PARP3: variants seen among roughly 807,000 people sequenced by gnomAD.
The protein encoded by PARP3 is protein mono-ADP-ribosyltransferase PARP3.
Under a neutral mutation model 58.2 loss-of-function variants are expected in PARP3, and 46 were observed. The observed-to-expected ratio is 0.79, with a 90% CI of 0.62 to 1.01. PARP3 has a LOEUF of 1.01. Ranked by LOEUF, PARP3 falls within the 50% of genes least tolerant of loss-of-function variation. The pLI is 0.00. For missense variants in PARP3, 663 were observed against 683.9 expected, an observed-to-expected ratio of 0.97 and a Z score of 0.34; for synonymous variants, 252 against 266.4, an observed-to-expected ratio of 0.95 and a Z score of 0.53.
rs560020357 is a variant in PARP3, at chr3:51,944,008, C to T, written c.184-81C>T. 105 of 1,385,942 alleles carry T rather than the reference C, an allele frequency of 7.6e-5. No individual in the cohort carries two copies. The African/African-American group carries it at 1.3e-3, about 17-fold the overall frequency. 85.9% of individuals were successfully genotyped at this position (1,385,942 alleles called of 1,614,324 possible). A position where few individuals can be genotyped will look rare whatever the true frequency, so the allele number is the denominator to read the frequency against. ...CTCCCACTGCCGTCAGACTCCTGTC[C>T]CCATCAGAGCCCTCTCGGTGTACGG... On this transcript the variant is annotated intron_variant, in intron 2 of 10. Coordinates refer to ENST00000398755, the MANE Select transcript of PARP3 (RefSeq NM_001003931.4). The surrounding 1 kb of genome is among the most constrained non-coding windows in gnomAD (Gnocchi z 4.2).
At chr3:51,947,412 G>A (rs923312999) in intron 9 of PARP3, among the ~76,000 whole-genome samples, 10 of 152,250 alleles carry the variant, frequency 6.6e-5, no homozygotes, top group Non-Finnish European at 1.2e-4. Flanking sequence ...GAGCCAGCGC[G>A]AGGAAGTCCC....
rs1158356771 is a variant in PARP3 at position 51,946,109 on chromosome 3, A to G, written c.1099-57A>G. On this transcript the variant is annotated intron_variant, in intron 8 of 10. Coordinates refer to ENST00000398755, the MANE Select transcript of PARP3 (RefSeq NM_001003931.4). The surrounding 1 kb of genome is among the most constrained non-coding windows in gnomAD (Gnocchi z 4.6). ...AGGCCTTGGTCACAAGCAGCAGGGC[A>G]AGGCGACTGAGTGCTCGGGTGGCAT... The G allele has an allele frequency of 1.3e-6, 2 of 1,507,002 alleles. No individual in the cohort carries two copies. The highest frequency in any genetic ancestry group is 1.4e-5 in the African/African-American group (1 of 72,940). 93.4% of individuals were successfully genotyped at this position (1,507,002 alleles called of 1,614,324 possible).
intron 6 of PARP3, 60 bp downstream of exon 6, chr3:51,945,284 C>A: frequency 6.5e-7 from 1 of 1,534,784 alleles, no homozygotes; most frequent in Non-Finnish European, 9.0e-7. Context: ...CCTAGGCGAG[C>A]GAGATGAAGG....
Position 51,944,039 on chromosome 3 carries a change from C to T in PARP3, c.184-50C>T, listed in dbSNP as rs1443302160. 6.3e-7 allele frequency: 1 copy of T among 1,583,444 alleles called. No individual in the cohort carries two copies. Among genetic ancestry groups the T allele is most frequent in the Non-Finnish European group, 8.6e-7 (1 of 1,161,282 alleles). On this transcript the variant is annotated intron_variant, in intron 2 of 10. Coordinates refer to ENST00000398755, the MANE Select transcript of PARP3 (RefSeq NM_001003931.4). The surrounding 1 kb of genome is among the most constrained non-coding windows in gnomAD (Gnocchi z 4.2). Reference sequence around the variant, plus strand: ...AGAGCCCTCTCGGTGTACGGCCAGGCACCCCATCTGACCCCAGCCAGCCTG... The same window carrying T: ...AGAGCCCTCTCGGTGTACGGCCAGGTACCCCATCTGACCCCAGCCAGCCTG...
intron 10 of PARP3, 41 bp downstream of exon 10, chr3:51,947,936 G>A: frequency 1.9e-6 from 3 of 1,594,944 alleles, no homozygotes; most frequent in South Asian, 1.1e-5. Flanking sequence ...AGAGAGGTGG[G>A]GCCGAGATAG....
In PARP3 at chr3:51,946,035, G is replaced by A. The variant is rs904087535; in HGVS notation, c.1098+96G>A. ...CCTTAGCAAATCGTTTAGCAGCTCT[G>A]GTCAGTTTCTGCCGGCCATGAGTGC... On this transcript the variant is annotated intron_variant, in intron 8 of 10. Coordinates refer to ENST00000398755, the MANE Select transcript of PARP3 (RefSeq NM_001003931.4). This position sits in a 1 kb window ranked among gnomAD's most constrained non-coding sequence, Gnocchi z 4.6. The A allele has an allele frequency of 7.3e-7, 1 of 1,370,074 alleles. No homozygotes were observed. The highest frequency in any genetic ancestry group is 1.0e-6 in the Non-Finnish European group (1 of 967,654). The allele number at this position is 1,370,074 out of a possible 1,614,324, so 84.9% of individuals were successfully genotyped here.
chr3:51,946,219 T>C lies in PARP3; in HGVS notation c.1152T>C (p.His384=). The C allele has an allele frequency of 6.2e-7, 1 of 1,613,460 alleles. No individual in the cohort carries two copies. The highest frequency in any genetic ancestry group is 8.5e-7 in the Non-Finnish European group (1 of 1,179,578). ...SKLGNRKLLW[H]GTNMAVVAAI... ...TGGGTAATCGGAAGCTGCTGTGGCA[T>C]GGCACCAACATGGCCGTGGTGGCCG... Residue 384 remains histidine, a synonymous_variant, in exon 9 of 11, where the codon CAT becomes CAC. Coordinates refer to ENST00000398755, the MANE Select transcript of PARP3 (RefSeq NM_001003931.4). The surrounding 1 kb of genome is among the most constrained non-coding windows in gnomAD (Gnocchi z 4.6).
intron 2 of PARP3, 146 bp from the exon 3 acceptor site, chr3:51,943,943 G>C (rs1426535470): frequency 1.4e-6 from 1 of 694,876 alleles, no homozygotes; most frequent in Non-Finnish European, 2.4e-6. Context: ...CTAGGGAAGA[G>C]CAGTGACCCC....
At position 51,946,181 on chromosome 3, in the gene PARP3, G is replaced by A; in HGVS notation, c.1114G>A (p.Ala372Thr). The A allele has an allele frequency of 1.2e-6, 2 of 1,602,488 alleles. No homozygotes were observed. The highest frequency in any genetic ancestry group is 1.1e-5 in the South Asian group (1 of 89,038). ...NQEGEEDRFQ[A>T]HSKLGNRKLL... ...CTCCACTCAGGAAGACAGATTCCAG[G>A]CCCACTCCAAACTGGGTAATCGGAA... is the stretch of plus-strand genomic sequence containing the variant. Residue 372 changes from alanine to threonine, a missense_variant, in exon 9 of 11, where the codon GCC becomes ACC. By Grantham distance (58) the Ala-to-Thr change is moderately conservative. Coordinates refer to ENST00000398755, the MANE Select transcript of PARP3 (RefSeq NM_001003931.4). The surrounding 1 kb of genome is among the most constrained non-coding windows in gnomAD (Gnocchi z 4.6).
Position 51,944,047 on chromosome 3 carries a change from C to G in PARP3, c.184-42C>G. 2 of 1,598,100 alleles carry G rather than the reference C, an allele frequency of 1.3e-6. No homozygotes were observed. Among genetic ancestry groups the G allele is most frequent in the Non-Finnish European group, 8.5e-7 (1 of 1,171,868 alleles). On this transcript the variant is annotated intron_variant, in intron 2 of 10. Coordinates refer to ENST00000398755, the MANE Select transcript of PARP3 (RefSeq NM_001003931.4). The surrounding 1 kb of genome is among the most constrained non-coding windows in gnomAD (Gnocchi z 4.2). Reference sequence around the variant, plus strand: ...CTCGGTGTACGGCCAGGCACCCCATCTGACCCCAGCCAGCCTGCCCCCCAC... The same window carrying G: ...CTCGGTGTACGGCCAGGCACCCCATGTGACCCCAGCCAGCCTGCCCCCCAC...
intron 1 of PARP3, chr3:51,942,956 C>G: frequency 4.3e-6 from 6 of 1,411,538 alleles, no homozygotes; most frequent in Non-Finnish European, 5.5e-6. Flanking sequence ...GGCAACCATG[C>G]CAGGGCTGAA....
In PARP3 at chr3:51,944,894, G is replaced by A. The variant is rs762577128; in HGVS notation, c.618G>A (p.Met206Ile). 6 of 1,613,802 alleles carry A rather than the reference G, an allele frequency of 3.7e-6. No homozygotes were observed. In the African/African-American group the frequency reaches 4.0e-5, roughly 11 times the overall value. ...IFSKEMFKNT[M>I]ALMDLDVKKM... ...GCAAGGAGATGTTCAAGAACACCAT[G>A]GCCCTCATGGACCTGGGTGAGGGGT... The change falls in exon 5 of 11, where the codon ATG becomes ATA. Residue 206 changes from methionine (M) to isoleucine (I), a missense_variant. By Grantham distance (10) the Met-to-Ile change is conservative. Around this residue, in one of 3 missense-constraint regions of PARP3, gnomAD observed 567 missense variants for 553.6 expected, o/e 1.02. Coordinates refer to ENST00000398755, the MANE Select transcript of PARP3 (RefSeq NM_001003931.4). This position sits in a 1 kb window ranked among gnomAD's most constrained non-coding sequence, Gnocchi z 4.2.
chr3:51,948,308 C>T lies in PARP3; in HGVS notation c.1433-3C>T, dbSNP rs764375361. ...CCACCCTGGCCCTTGCTGTGCCCTGCAGATCCGACCCAGGACACTGAGTTG... is the reference window on the plus strand; with the variant it reads ...CCACCCTGGCCCTTGCTGTGCCCTGTAGATCCGACCCAGGACACTGAGTTG... On this transcript the variant is annotated splice_polypyrimidine_tract_variant and splice_region_variant and intron_variant, in intron 10 of 10. Coordinates refer to ENST00000398755, the MANE Select transcript of PARP3 (RefSeq NM_001003931.4). 6.2e-7 allele frequency: 1 copy of T among 1,612,640 alleles called. No individual in the cohort carries two copies. The highest frequency in any genetic ancestry group is 8.5e-7 in the Non-Finnish European group (1 of 1,179,160).
chr3:51,943,241 G>T, intron 1 of PARP3, 113 bp from the exon 2 acceptor site: 1 of 1,182,248 alleles, frequency 8.5e-7, no homozygotes, highest in Non-Finnish European at 1.2e-6. Flanking sequence ...GGCCAACCCG[G>T]GGTGGGGCAA....
chr3:51,944,147 A>G lies in PARP3; in HGVS notation c.242A>G (p.Lys81Arg), dbSNP rs552254917. The G allele has an allele frequency of 8.7e-6, 14 of 1,613,656 alleles. 1 individual carries two copies. The South Asian group carries it at 1.4e-4, about 16-fold the overall frequency. Reference sequence around the variant, plus strand: ...ACCAACATCGAGAACAACAACAACAAGTTCTACATCATCCAGCTGCTCCAA... The same window carrying G: ...ACCAACATCGAGAACAACAACAACAGGTTCTACATCATCCAGCTGCTCCAA... ...NQTNIENNNNKFYIIQLLQDS... is the reference protein window; with the variant it reads ...NQTNIENNNNRFYIIQLLQDS... Residue 81 changes from lysine (K) to arginine (R), a missense_variant, in exon 3 of 11, where the codon AAG (lysine) becomes AGG (arginine). Physicochemically the swap from Lys to Arg is conservative, Grantham distance 26. Around this residue, in one of 3 missense-constraint regions of PARP3, gnomAD observed 567 missense variants for 553.6 expected, o/e 1.02. Coordinates refer to ENST00000398755, the MANE Select transcript of PARP3 (RefSeq NM_001003931.4). This position sits in a 1 kb window ranked among gnomAD's most constrained non-coding sequence, Gnocchi z 4.2.
intron 9 of PARP3, 91 bp from the exon 10 acceptor site, chr3:51,947,649 C>A: frequency 7.1e-7 from 1 of 1,402,716 alleles, no homozygotes; most frequent in Non-Finnish European, 9.9e-7. Context: ...AGCAGCAAAG[C>A]CAGAAGGAAT....
Position 51,947,828 on chromosome 3 carries a change from C to G in PARP3, c.1365C>G (p.Asp455Glu). The change falls in exon 10 of 11, where the codon GAC becomes GAG. Residue 455 changes from aspartate to glutamate, a missense_variant. Asp to Glu is a conservative substitution (Grantham distance 45). Coordinates refer to ENST00000398755, the MANE Select transcript of PARP3 (RefSeq NM_001003931.4). Reference protein sequence around the residue: ...ALGREHHINTDNPSLKSPPPG... With the variant: ...ALGREHHINTENPSLKSPPPG... The stretch of plus-strand genomic sequence containing the variant: ...GCAGAGAGCACCATATCAACACGGA[C>G]AACCCCAGCTTGAAGAGCCCACCTC... The G allele has an allele frequency of 6.2e-7, 1 of 1,614,118 alleles. No individual in the cohort carries two copies. Among genetic ancestry groups the G allele is most frequent in the Non-Finnish European group, 8.5e-7 (1 of 1,180,016 alleles).
At chr3:51,947,970 G>A in intron 10 of PARP3, 75 bp downstream of exon 10, 1 of 1,444,120 alleles carries the variant, frequency 6.9e-7, no homozygotes. Flanking sequence ...TTCAGGGAGG[G>A]GGCTGTGAAG....
chr3:51,948,606 C>A lies in PARP3; in HGVS notation c.*126C>A. 2.4e-6 allele frequency: 2 copies of A among 838,288 alleles called. No individual in the cohort carries two copies. The highest frequency in any genetic ancestry group is 3.7e-6 in the Non-Finnish European group (2 of 542,738). 51.9% of individuals were successfully genotyped at this position (838,288 alleles called of 1,614,324 possible). A position where few individuals can be genotyped will look rare whatever the true frequency, so the allele number is the denominator to read the frequency against. ...ACAATACGTTGTTGTTAACTATAGT[C>A]ACCATGCTGTACAAGATCCCTGAAC... is the stretch of plus-strand genomic sequence containing the variant. On this transcript the variant is annotated 3_prime_UTR_variant, in exon 11 of 11. Transcript: ENST00000398755.
Sources: allele counts gnomAD v4.1 joint callset (sites outside exome capture counted in the v4.1 genomes callset), GRCh38; gene constraint gnomAD v4.1.1; regional missense constraint gnomAD v4.1.1; non-coding constraint Gnocchi (gnomAD v3.1); transcripts MANE v1.5; gene names NCBI Gene and HGNC (gene_info 2026-07-23, HGNC 2026-07-21).